The following EEIG2 variants were observed in gnomAD, a reference collection of about 807,000 sequenced individuals.
EEIG2 encodes family with sequence similarity 102 member B.
chr1:108,627,576 TA>T, the EEIG2 span: 2 of 152,280 alleles, frequency 1.3e-5, no homozygotes, highest in Non-Finnish European at 2.9e-5. Context: ...TTACTTTGAA[TA>T]TGAATACTAT....
the EEIG2 span, among the ~76,000 whole-genome samples, chr1:108,568,607 A>G: frequency 1.3e-5 from 2 of 152,214 alleles, no homozygotes; most frequent in East Asian, 3.8e-4. Context: ...GTCAGGTGCT[A>G]TAACAAGGTA....
At chr1:108,606,384 T>C in the EEIG2 span, 3 of 478,500 alleles carry the variant, frequency 6.3e-6, no homozygotes, top group African/African-American at 2.0e-5. Flanking sequence ...AACTTGGAGA[T>C]TGAACAGTTG....
the EEIG2 span, among the ~76,000 whole-genome samples, chr1:108,592,014 C>A: frequency 6.6e-6 from 1 of 152,096 alleles, no homozygotes; most frequent in Non-Finnish European, 1.5e-5. Flanking sequence ...TGAACCTAAT[C>A]CTATAAGAGG....
At chr1:108,603,617 G>C in the EEIG2 span, among the ~76,000 whole-genome samples, 53 of 152,196 alleles carry the variant, frequency 3.5e-4, no homozygotes, top group Non-Finnish European at 5.9e-4. Context: ...TCAAGCATAC[G>C]AAGAGACATG....
chr1:108,615,993 C>G, the EEIG2 span, among the ~76,000 whole-genome samples: 1 of 152,018 alleles, frequency 6.6e-6, no homozygotes, highest in South Asian at 2.1e-4. Flanking sequence ...AGGATTATTA[C>G]TGGTAAATTA....
chr1:108,639,187 ATTTC>A, the EEIG2 span: 2 of 134,168 alleles, frequency 1.5e-5, no homozygotes, highest in East Asian at 2.3e-4. Context: ...TATATATTTT[ATTTC>A]TTTGTTTCAA....
chr1:108,605,295 A>C, the EEIG2 span, among the ~76,000 whole-genome samples: 4 of 152,300 alleles, frequency 2.6e-5, no homozygotes, highest in East Asian at 7.7e-4. Flanking sequence ...AAATGTGATC[A>C]CTCATAATGG....
At chr1:108,573,631 A>C in the EEIG2 span, among the ~76,000 whole-genome samples, 2 of 152,238 alleles carry the variant, frequency 1.3e-5, no homozygotes, top group African/African-American at 4.8e-5. Flanking sequence ...CATATATTTC[A>C]TAAGAGATTG....
the EEIG2 span, chr1:108,560,651 C>T: frequency 1.4e-6 from 2 of 1,477,462 alleles, no homozygotes; most frequent in Non-Finnish European, 1.8e-6. Context: ...CCCATTTGCT[C>T]GCCTTTCCCT....
the EEIG2 span, chr1:108,628,294 T>C: frequency 1.3e-4 from 212 of 1,612,862 alleles, no homozygotes; most frequent in African/African-American, 2.6e-3. Context: ...GAATTCCTTA[T>C]TGTTCCAAAG....
the EEIG2 span, chr1:108,624,742 A>AT: frequency 6.2e-7 from 1 of 1,613,514 alleles, no homozygotes; most frequent in Non-Finnish European, 8.5e-7. Context: ...GCATCTTGGA[A>AT]TAGCAGGTAT....
chr1:108,629,678 C>A, the EEIG2 span: 1 of 1,571,784 alleles, frequency 6.4e-7, no homozygotes, highest in Non-Finnish European at 8.7e-7. Flanking sequence ...CAAATAGTGT[C>A]TTATTAAAAT....
At chr1:108,636,764 G>A in the EEIG2 span, 3 of 150,246 alleles carry the variant, frequency 2.0e-5, no homozygotes, top group African/African-American at 7.5e-5. Flanking sequence ...CTAACCAAGG[G>A]ACTTAAGTGG....
At chr1:108,576,917 T>C in the EEIG2 span, among the ~76,000 whole-genome samples, 1 of 151,914 alleles carries the variant, frequency 6.6e-6, no homozygotes, top group African/African-American at 2.4e-5. Context: ...CCACCAACAG[T>C]GTAAGAGTGT....
chr1:108,584,330 ATAT>A, the EEIG2 span, among the ~76,000 whole-genome samples: 1 of 151,670 alleles, frequency 6.6e-6, no homozygotes, highest in African/African-American at 2.4e-5. Context: ...TTCTTAAAAA[ATAT>A]TTTTTTTTCT....
the EEIG2 span, among the ~76,000 whole-genome samples, chr1:108,570,976 G>A: frequency 6.6e-6 from 1 of 152,164 alleles, no homozygotes; most frequent in Non-Finnish European, 1.5e-5. Context: ...TACTTCAGTA[G>A]AGCAGGCCAC....
chr1:108,582,804 A>C, the EEIG2 span, among the ~76,000 whole-genome samples: 2 of 152,152 alleles, frequency 1.3e-5, no homozygotes, highest in Non-Finnish European at 1.5e-5. Flanking sequence ...AAGCGCATGA[A>C]CAGATACATT....
chr1:108,597,196 A>G, the EEIG2 span, among the ~76,000 whole-genome samples: 1 of 152,170 alleles, frequency 6.6e-6, no homozygotes, highest in Non-Finnish European at 1.5e-5. Flanking sequence ...TGGCTGTGTC[A>G]TTGGGAACCC....
At chr1:108,560,119 CGGA>C in the EEIG2 span, 1 of 174,450 alleles carries the variant, frequency 5.7e-6, no homozygotes, top group East Asian at 1.7e-4. Context: ...GCAGCGGCGG[CGGA>C]GGCGGCGGCG....
Sources: allele counts gnomAD v4.1 joint callset (sites outside exome capture counted in the v4.1 genomes callset), GRCh38; gene constraint gnomAD v4.1.1; transcripts MANE v1.5; gene names NCBI Gene and HGNC (gene_info 2026-07-23, HGNC 2026-07-21).